The following ZNF496 variants were observed in gnomAD, a reference collection of about 807,000 sequenced individuals.
ZNF496 encodes zinc finger protein 496, also known as NSD1 (nuclear receptor binding SET-domain containing 1)-interacting zinc finger protein 1.
In ZNF496, 11 loss-of-function variants were observed where a neutral mutation model predicts 58.9. That is an observed-to-expected ratio of 0.19 (90% CI 0.12 to 0.31). ZNF496 has a LOEUF of 0.31. Ranked by LOEUF, ZNF496 falls within the 10% of genes least tolerant of loss-of-function variation. ZNF496 has a pLI of 1.00. For missense variants in ZNF496, 660 were observed against 783.0 expected, an observed-to-expected ratio of 0.84 and a Z score of 1.88; for synonymous variants, 338 against 318.2, an observed-to-expected ratio of 1.06 and a Z score of -0.66.
intron 6 of ZNF496, among the ~76,000 whole-genome samples, chr1:247,317,575 C>A (rs903117281): frequency 3.9e-5 from 6 of 152,072 alleles, no homozygotes; most frequent in South Asian, 2.1e-4. Flanking sequence ...AACAAGCCCC[C>A]CCCCCGCCAC....
chr1:247,310,000 G>T lies in ZNF496; in HGVS notation c.785-194C>A. 1 of 1,391,876 alleles carries T rather than the reference G, an allele frequency of 7.2e-7. No individual in the cohort carries two copies. Among genetic ancestry groups the T allele is most frequent in the Non-Finnish European group, 9.4e-7 (1 of 1,060,586 alleles). The allele number at this position is 1,391,876 out of a possible 1,614,324, so 86.2% of individuals were successfully genotyped here. A position where few individuals can be genotyped will look rare whatever the true frequency, so the allele number is the denominator to read the frequency against. On this transcript the variant is annotated intron_variant, in intron 7 of 9. Coordinates refer to ENST00000682384, the MANE Select transcript of ZNF496 (RefSeq NM_032752.3). This position sits in a 1 kb window ranked among gnomAD's most constrained non-coding sequence, Gnocchi z 4.3. ...ACGCAGGGAGAGCTATGGGCTTGGG[G>T]GTCTCTCTGAGGCTTTCGGGTGTAA... is the stretch of plus-strand genomic sequence containing the variant.
chr1:247,314,465 A>ATTTTCATTTTAAAAT (rs1558153403), intron 6 of ZNF496, among the ~76,000 whole-genome samples: 1 of 152,178 alleles, frequency 6.6e-6, no homozygotes, highest in African/African-American at 2.4e-5. Context: ...TCAATTTAAA[A>ATTTTCATTTTAAAAT]TGATGGTATA....
At chr1:247,315,247 C>T (rs965601574) in intron 6 of ZNF496, among the ~76,000 whole-genome samples, 1 of 152,092 alleles carries the variant, frequency 6.6e-6, no homozygotes, top group African/African-American at 2.4e-5. Context: ...GGACACCCCA[C>T]CTTCAATGCC....
At chr1:247,315,156 T>G (rs1280060680) in intron 6 of ZNF496, among the ~76,000 whole-genome samples, 1 of 133,968 alleles carries the variant, frequency 7.5e-6, no homozygotes, top group Non-Finnish European at 1.6e-5. Context: ...GATGTTAATA[T>G]AAAAAAAAAA....
At chr1:247,307,867 T>C in intron 9 of ZNF496, 1 of 985,314 alleles carries the variant, frequency 1.0e-6, no homozygotes, top group Non-Finnish European at 1.2e-6. Context: ...CTGGAAGTGG[T>C]GACTTTTACC....
In ZNF496 at chr1:247,309,608, C is replaced by T. The variant is rs1659526439; in HGVS notation, c.892+91G>A. 3 of 1,546,232 alleles carry T rather than the reference C, an allele frequency of 1.9e-6. No individual in the cohort carries two copies. Among genetic ancestry groups the T allele is most frequent in the Non-Finnish European group, 1.7e-6 (2 of 1,145,002 alleles). On this transcript the variant is annotated intron_variant, in intron 8 of 9. Transcript: ENST00000682384. The surrounding 1 kb of genome is among the most constrained non-coding windows in gnomAD (Gnocchi z 4.3). ...GGGAAATGAAGAAGGCAATTAGGGG[C>T]CGCAGAGAGAAGCCAGAGAGTGGGC...
intron 9 of ZNF496, among the ~76,000 whole-genome samples, chr1:247,301,613 T>C (rs905006993): frequency 6.6e-6 from 1 of 152,106 alleles, no homozygotes; most frequent in Non-Finnish European, 1.5e-5. Context: ...TTTATCTGGG[T>C]AAAGCCTTGA....
intron 6 of ZNF496, 110 bp downstream of exon 6, chr1:247,323,044 T>C: frequency 1.1e-6 from 1 of 916,364 alleles, no homozygotes; most frequent in Non-Finnish European, 1.7e-6. Context: ...GGGCTGGGAC[T>C]GAACATCCTG....
chr1:247,306,846 A>G (rs534570543), intron 9 of ZNF496, among the ~76,000 whole-genome samples: 1 of 152,130 alleles, frequency 6.6e-6, no homozygotes, highest in African/African-American at 2.4e-5. Flanking sequence ...TGAGCACTGG[A>G]CTCTGGGCAA....
chr1:247,300,762 C>A lies in ZNF496; in HGVS notation c.1521G>T (p.Lys507Asn), dbSNP rs750271097. Reference protein sequence around the residue: ...REQAASEDADKGPKEPLENGK... With the variant: ...REQAASEDADNGPKEPLENGK... ...CGTTTTCCAGCGGCTCTTTGGGACC[C>A]TTGTCCGCGTCCTCGGATGCCGCCT... Residue 507 changes from lysine to asparagine, a missense_variant, in exon 10 of 10, where the codon AAG becomes AAT. Lys to Asn is a moderately conservative substitution (Grantham distance 94). Coordinates refer to ENST00000682384, the MANE Select transcript of ZNF496 (RefSeq NM_032752.3). The surrounding 1 kb of genome is among the most constrained non-coding windows in gnomAD (Gnocchi z 5.7). 7 of 1,607,050 alleles carry A rather than the reference C, an allele frequency of 4.4e-6. No individual in the cohort carries two copies. In the Admixed American group the frequency reaches 1.0e-4, roughly 23 times the overall value.
At chr1:247,327,355 C>T (rs777727247) in intron 5 of ZNF496, among the ~76,000 whole-genome samples, 15 of 152,318 alleles carry the variant, frequency 9.8e-5, no homozygotes, top group Admixed American at 2.6e-4. Flanking sequence ...TGAGCCACCG[C>T]GCCCAACCCC....
chr1:247,328,952 C>T (rs923079206), intron 4 of ZNF496, 86 bp from the exon 5 acceptor site: 1 of 1,485,790 alleles, frequency 6.7e-7, no homozygotes, highest in African/African-American at 1.4e-5. Flanking sequence ...CCACAGCTGA[C>T]CATCAAAGGC....
chr1:247,329,878 T>G lies in ZNF496; in HGVS notation c.-38+88A>C. 1 of 337,192 alleles carries G rather than the reference T, an allele frequency of 3.0e-6. No homozygotes were observed. Among genetic ancestry groups the G allele is most frequent in the Non-Finnish European group, 5.3e-6 (1 of 187,340 alleles). 20.9% of individuals were successfully genotyped at this position (337,192 alleles called of 1,614,324 possible). A position where few individuals can be genotyped will look rare whatever the true frequency, so the allele number is the denominator to read the frequency against. On this transcript the variant is annotated intron_variant, in intron 3 of 9. Coordinates refer to ENST00000682384, the MANE Select transcript of ZNF496 (RefSeq NM_032752.3). This position sits in a 1 kb window ranked among gnomAD's most constrained non-coding sequence, Gnocchi z 5.5. The stretch of plus-strand genomic sequence containing the variant: ...ACAAGACAGGAAATCTGGGAGAAAG[T>G]GGTGGCATTTCAACGTGACACTGCT...
Position 247,309,442 on chromosome 1 carries a change from C to A in ZNF496, c.892+257G>T. On this transcript the variant is annotated intron_variant, in intron 8 of 9. Coordinates refer to ENST00000682384, the MANE Select transcript of ZNF496 (RefSeq NM_032752.3). This position sits in a 1 kb window ranked among gnomAD's most constrained non-coding sequence, Gnocchi z 4.3. ...GCACAAACCAGATGTTACTTACAGG[C>A]AGAGGAGAAAGACATTCCTATTATT... 7.5e-7 allele frequency: 1 copy of A among 1,329,134 alleles called. No individual in the cohort carries two copies. Among genetic ancestry groups the A allele is most frequent in the Non-Finnish European group, 9.6e-7 (1 of 1,040,040 alleles). 82.3% of individuals were successfully genotyped at this position (1,329,134 alleles called of 1,614,324 possible). A position where few individuals can be genotyped will look rare whatever the true frequency, so the allele number is the denominator to read the frequency against.
rs770054959 is a variant in ZNF496, at chr1:247,300,982, G to A, written c.1301C>T (p.Pro434Leu). The change falls in exon 10 of 10, where the codon CCG (proline) becomes CTG (leucine). Residue 434 changes from proline to leucine, a missense_variant. Pro to Leu is a moderately conservative substitution (Grantham distance 98). Coordinates refer to ENST00000682384, the MANE Select transcript of ZNF496 (RefSeq NM_032752.3). This position sits in a 1 kb window ranked among gnomAD's most constrained non-coding sequence, Gnocchi z 5.7. ...HLRSRREQEK[P>L]HECSVCGELF... is the part of the protein sequence containing the mutation. Reference sequence around the variant, plus strand: ...CTCCCCGCACACCGAGCACTCGTGCGGCTTCTCCTGCTCCCTGCGGCTCCG... The same window carrying A: ...CTCCCCGCACACCGAGCACTCGTGCAGCTTCTCCTGCTCCCTGCGGCTCCG... 3.7e-6 allele frequency: 6 copies of A among 1,613,856 alleles called. No homozygotes were observed. Among genetic ancestry groups the A allele is most frequent in the East Asian group, 2.2e-5 (1 of 44,884 alleles).
intron 6 of ZNF496, among the ~76,000 whole-genome samples, chr1:247,321,592 T>C (rs879209128): frequency 6.6e-6 from 1 of 152,242 alleles, no homozygotes; most frequent in African/African-American, 2.4e-5. Flanking sequence ...TGACTTTTAG[T>C]GCACTGGGAA....
chr1:247,330,382 C>T (rs775900625), intron 2 of ZNF496, among the ~76,000 whole-genome samples: 13 of 152,228 alleles, frequency 8.5e-5, no homozygotes, highest in South Asian at 2.1e-4. Context: ...TATCCTTGCC[C>T]TCTTCAAACC....
At chr1:247,318,280 C>T (rs968869934) in intron 6 of ZNF496, among the ~76,000 whole-genome samples, 2 of 152,150 alleles carry the variant, frequency 1.3e-5, no homozygotes, top group Non-Finnish European at 2.9e-5. Context: ...GTATCCTTAG[C>T]AGTCTGGAGA....
chr1:247,319,643 C>T (rs1337194182), intron 6 of ZNF496, among the ~76,000 whole-genome samples: 1 of 152,110 alleles, frequency 6.6e-6, no homozygotes, highest in East Asian at 1.9e-4. Context: ...ACTATCTAGG[C>T]CGGGTGCAGT....
Sources: gnomAD v4.1 joint callset for allele counts (sites outside exome capture counted in the v4.1 genomes callset) on GRCh38, gnomAD v4.1.1 for gene constraint, Gnocchi (gnomAD v3.1) non-coding constraint, MANE v1.5 for transcripts, NCBI Gene and HGNC (gene_info 2026-07-23, HGNC 2026-07-21) for gene names.